The following MACROD2 variants were observed in gnomAD, a reference collection of about 807,000 sequenced individuals.
MACROD2 encodes the protein mono-ADP ribosylhydrolase 2.
Under a neutral mutation model 70.4 loss-of-function variants are expected in MACROD2, and 36 were observed. The observed-to-expected ratio is 0.51, with a 90% CI of 0.39 to 0.68. The LOEUF is 0.68. MACROD2 is among the 30% of genes least tolerant of loss of function. The pLI is 0.00. For missense variants in MACROD2, 496 were observed against 538.4 expected, an observed-to-expected ratio of 0.92 and a Z score of 0.78; for synonymous variants, 172 against 178.8, an observed-to-expected ratio of 0.96 and a Z score of 0.30.
chr20:14,932,322 C>T (rs1176621089), intron 5 of MACROD2, among the ~76,000 whole-genome samples: 1 of 152,096 alleles, frequency 6.6e-6, no homozygotes, highest in Non-Finnish European at 1.5e-5. Flanking sequence ...TTCAGCTAAG[C>T]AAGGAGACCT....
At chr20:15,341,052 T>A (rs1163230507) in intron 6 of MACROD2, among the ~76,000 whole-genome samples, 3 of 152,154 alleles carry the variant, frequency 2.0e-5, no homozygotes, top group African/African-American at 7.2e-5. Context: ...TGATCCCATA[T>A]ATTATGGAAA....
intron 1 of MACROD2, among the ~76,000 whole-genome samples, chr20:14,001,900 A>G (rs139414132): frequency 1.9e-4 from 29 of 152,290 alleles, no homozygotes; most frequent in African/African-American, 5.1e-4. Context: ...CCATGACCCA[A>G]TTACCTCCCA....
At chr20:15,189,567 A>G (rs1228996149) in intron 5 of MACROD2, among the ~76,000 whole-genome samples, 1 of 152,242 alleles carries the variant, frequency 6.6e-6, no homozygotes, top group Non-Finnish European at 1.5e-5. Flanking sequence ...GGCTATTACA[A>G]TTTCTGAGTA....
At chr20:14,776,038 AC>A (rs1294071954) in intron 5 of MACROD2, among the ~76,000 whole-genome samples, 3 of 152,092 alleles carry the variant, frequency 2.0e-5, no homozygotes, top group Non-Finnish European at 4.4e-5. Context: ...GTAGAACTGA[AC>A]CAAATGTGCG....
intron 4 of MACROD2, among the ~76,000 whole-genome samples, chr20:14,537,034 T>G (rs570095658): frequency 1.3e-5 from 2 of 152,176 alleles, no homozygotes; most frequent in Non-Finnish European, 2.9e-5. Flanking sequence ...GGCCATGATA[T>G]TAGCCTAGAG....
At chr20:14,206,126 G>C (rs1206310408) in intron 3 of MACROD2, among the ~76,000 whole-genome samples, 1 of 152,180 alleles carries the variant, frequency 6.6e-6, no homozygotes, top group Non-Finnish European at 1.5e-5. Flanking sequence ...GTATGCTATT[G>C]ACATTCAGTG....
intron 8 of MACROD2, among the ~76,000 whole-genome samples, chr20:15,737,948 A>G (rs1300134493): frequency 1.3e-5 from 2 of 152,144 alleles, no homozygotes; most frequent in Non-Finnish European, 2.9e-5. Flanking sequence ...TGAACAAACA[A>G]AACACAGGTA....
At chr20:15,297,738 C>T (rs1482732224) in intron 6 of MACROD2, among the ~76,000 whole-genome samples, 1 of 152,110 alleles carries the variant, frequency 6.6e-6, no homozygotes, top group Non-Finnish European at 1.5e-5. Context: ...GTTAGAGACC[C>T]CTATATGACT....
intron 10 of MACROD2, among the ~76,000 whole-genome samples, chr20:15,927,921 G>A (rs1202719165): frequency 5.3e-5 from 8 of 152,256 alleles, no homozygotes; most frequent in African/African-American, 1.9e-4. Context: ...GGTGCTGAGG[G>A]GTCACAGGGT....
At position 15,314,413 on chromosome 20, in the gene MACROD2, A is replaced by G. The variant is rs1275772745; in HGVS notation, c.540+84352A>G. On this transcript the variant is annotated intron_variant, in intron 6 of 17. Coordinates refer to ENST00000684519, the MANE Select transcript of MACROD2 (RefSeq NM_001351661.2). ...TGAGATCAACCTGGGCAACATGGCA[A>G]GACACCATCTTTACTTAAAATAAAA... Among the ~76,000 whole-genome samples the G allele has an allele frequency of 2.0e-5, 3 of 152,230 alleles. No homozygotes were observed. The East Asian group carries it at 5.8e-4, about 29-fold the overall frequency.
intron 5 of MACROD2, among the ~76,000 whole-genome samples, chr20:14,979,964 G>A (rs2074782170): frequency 6.6e-6 from 1 of 152,064 alleles, no homozygotes; most frequent in African/African-American, 2.4e-5. Flanking sequence ...GTTTTGAGAT[G>A]ACTTATCTAC....
intron 8 of MACROD2, among the ~76,000 whole-genome samples, chr20:15,603,539 C>A (rs1277338359): frequency 2.0e-5 from 3 of 151,088 alleles, no homozygotes; most frequent in Non-Finnish European, 4.4e-5. Context: ...AGGGAAATAG[C>A]CATAAATCTA....
At chr20:15,276,745 A>G (rs1299080388) in intron 6 of MACROD2, among the ~76,000 whole-genome samples, 2 of 152,246 alleles carry the variant, frequency 1.3e-5, no homozygotes, top group Non-Finnish European at 2.9e-5. Flanking sequence ...AATAAAAGAT[A>G]GCAGATGAGA....
At chr20:14,684,066 A>G (rs1339146674) in intron 4 of MACROD2, among the ~76,000 whole-genome samples, 2 of 152,192 alleles carry the variant, frequency 1.3e-5, no homozygotes, top group African/African-American at 4.8e-5. Flanking sequence ...GCCCAGATGT[A>G]AAGCTAGAGA....
At chr20:15,680,688 T>C (rs2050148576) in intron 8 of MACROD2, among the ~76,000 whole-genome samples, 1 of 152,118 alleles carries the variant, frequency 6.6e-6, no homozygotes, top group South Asian at 2.1e-4. Context: ...GTTTTAATGA[T>C]TTTATCAGAG....
chr20:15,533,335 A>G (rs2047828890), intron 8 of MACROD2, among the ~76,000 whole-genome samples: 1 of 152,232 alleles, frequency 6.6e-6, no homozygotes, highest in South Asian at 2.1e-4. Context: ...AGAAATGTAC[A>G]TAGATCGTGA....
At chr20:14,116,689 A>G (rs563434551) in intron 3 of MACROD2, among the ~76,000 whole-genome samples, 62 of 152,202 alleles carry the variant, frequency 4.1e-4, no homozygotes, top group Middle Eastern at 3.4e-3. Context: ...CTATGCATTT[A>G]TATACTTTTT....
intron 6 of MACROD2, among the ~76,000 whole-genome samples, chr20:15,236,984 G>A (rs149345686): frequency 5.3e-4 from 81 of 152,228 alleles, no homozygotes; most frequent in African/African-American, 1.8e-3. Context: ...GGACCATTTT[G>A]TGAGGGTGGT....
At chr20:15,114,741 T>A (rs2075980096) in intron 5 of MACROD2, among the ~76,000 whole-genome samples, 1 of 152,224 alleles carries the variant, frequency 6.6e-6, no homozygotes, top group African/African-American at 2.4e-5. Flanking sequence ...CCTTTAATGT[T>A]ACCTTCTCTT....
Sources: allele counts gnomAD v4.1 joint callset (sites outside exome capture counted in the v4.1 genomes callset), GRCh38; gene constraint gnomAD v4.1.1; transcripts MANE v1.5; gene names NCBI Gene and HGNC (gene_info 2026-07-23, HGNC 2026-07-21).